COG8: variants seen among roughly 807,000 people sequenced by gnomAD.
COG8 encodes conserved oligomeric Golgi complex subunit 8.
In COG8, 45 loss-of-function variants were observed where a neutral mutation model predicts 46.5. That is an observed-to-expected ratio of 0.97 (90% CI 0.76 to 1.24). The LOEUF is 1.24. COG8 is among the 50% of genes most tolerant of loss of function. The probability of loss-of-function intolerance (pLI) is 0.00; values close to 1 mark genes in which losing one functional copy is unlikely to be tolerated. For synonymous variants in COG8, 407 were observed against 347.8 expected (o/e 1.17, Z -1.90); for missense variants, 793 against 820.8 (o/e 0.97, Z 0.41).
Position 69,327,528 on chromosome 16 carries a change from G to A in COG8, c.*1678C>T, listed in dbSNP as rs1206090227. On this transcript the variant is annotated 3_prime_UTR_variant, in exon 6 of 6. Coordinates refer to ENST00000306875, the MANE Select transcript of COG8 (RefSeq NM_032382.5). ...CAGTTTGCTTCTGCTTGGCCTCATG[G>A]GGCCTCAGAGAAAGCCACAAAGGAG... 17 of 151,798 alleles carry A rather than the reference G, an allele frequency of 1.1e-4. No homozygotes were observed. The highest frequency in any genetic ancestry group is 6.6e-4 in the Admixed American group (10 of 15,224). 9.4% of individuals were successfully genotyped at this position (151,798 alleles called of 1,614,324 possible).
In COG8 at chr16:69,333,166, G is replaced by GT. The variant is rs554776759; in HGVS notation, c.1414-285dup. ...ACTATAGAGAGAATACATGGTTTTG[G>GT]TTTTTTTTTTTTTTTTTTTAGAGAC... is the stretch of plus-strand genomic sequence containing the variant. On this transcript the variant is annotated intron_variant, in intron 3 of 5. Coordinates refer to ENST00000306875, the MANE Select transcript of COG8 (RefSeq NM_032382.5). Among the ~76,000 whole-genome samples the GT allele has an allele frequency of 0.021, 2,775 of 130,856 alleles. 32 individuals are homozygous for GT. Among genetic ancestry groups the GT allele is most frequent in the African/African-American group, 0.033 (1,169 of 35,894 alleles). 85.8% of individuals were successfully genotyped at this position (130,856 alleles called of 152,430 possible). A position where few individuals can be genotyped will look rare whatever the true frequency, so the allele number is the denominator to read the frequency against.
chr16:69,333,404 G>A (rs1597223211), intron 3 of COG8, among the ~76,000 whole-genome samples: 1 of 152,284 alleles, frequency 6.6e-6, no homozygotes, highest in Non-Finnish European at 1.5e-5. Context: ...CTGGCTTCAA[G>A]AGATCCTCCT....
rs760737598 is a variant in COG8 at position 69,339,524 on chromosome 16, A to T, written c.29T>A (p.Val10Glu). Residue 10 changes from valine to glutamate, a missense_variant, in exon 1 of 6, where the codon GTA becomes GAA. Transcript: ENST00000306875. MATAATIPS[V>E]ATATAAALGE... ...GAGAGCCGCTGCTGTGGCCGTGGCT[A>T]CCGATGGGATAGTCGCCGCGGTCGC... 15 of 1,608,274 alleles carry T rather than the reference A, an allele frequency of 9.3e-6. No homozygotes were observed. In the South Asian group the frequency reaches 1.6e-4, roughly 18 times the overall value.
chr16:69,330,621 G>C, intron 5 of COG8, 192 bp downstream of exon 5: 1 of 1,409,472 alleles, frequency 7.1e-7, no homozygotes. Context: ...CGCAGCGCGG[G>C]GCACGCCGGG....
Position 69,339,409 on chromosome 16 carries a change from G to A in COG8, c.144C>T (p.Arg48=). ...CCGAGCCGCTCAACTCCCGGAGGTA[G>A]CGGCCCACATCGGGCCGCTCGCGCC... ...AQWRERPDVG[R]YLRELSGSGL... is the part of the protein sequence containing the mutation. The change falls in exon 1 of 6, where the codon CGC becomes CGT. Residue 48 remains arginine, a synonymous_variant. Coordinates refer to ENST00000306875, the MANE Select transcript of COG8 (RefSeq NM_032382.5). 6.3e-7 allele frequency: 1 copy of A among 1,584,352 alleles called. No homozygotes were observed.
rs777226176 is a variant in COG8 at position 69,330,159 on chromosome 16, G to T, written c.*26+654C>A. The T allele has an allele frequency of 3.9e-6, 6 of 1,539,492 alleles. No individual in the cohort carries two copies. In the African/African-American group the frequency reaches 8.6e-5, roughly 22 times the overall value. ...TCCATTTGGCGGAGCGCGCGCTGGC[G>T]GGGCGGGCACTCCCGACACAGCGCC... On this transcript the variant is annotated intron_variant, in intron 5 of 5. Coordinates refer to ENST00000306875, the MANE Select transcript of COG8 (RefSeq NM_032382.5).
rs557333527 is a variant in COG8, at chr16:69,336,788, T to C, written c.378-76A>G. On this transcript the variant is annotated intron_variant, in intron 1 of 5. Coordinates refer to ENST00000306875, the MANE Select transcript of COG8 (RefSeq NM_032382.5). ...TTAGCTACAGTTACCAAGTACCTGC[T>C]ATGAACATTGGGCTGGATGATCTAT... 7.1e-4 allele frequency: 877 copies of C among 1,238,702 alleles called. 5 individuals carry two copies. Among genetic ancestry groups the C allele is most frequent in the Middle Eastern group, 4.2e-3 (19 of 4,560 alleles). 76.7% of individuals were successfully genotyped at this position (1,238,702 alleles called of 1,614,324 possible). A position where few individuals can be genotyped will look rare whatever the true frequency, so the allele number is the denominator to read the frequency against.
Position 69,339,173 on chromosome 16 carries a change from C to T in COG8, c.377+3G>A, listed in dbSNP as rs1341917125. On this transcript the variant is annotated splice_donor_region_variant and intron_variant, in intron 1 of 5. Coordinates refer to ENST00000306875, the MANE Select transcript of COG8 (RefSeq NM_032382.5). ...AACCCCTTTAGCGCCAGGCGCGTCG[C>T]ACCTGCAGCTCTGCTGGAAGCTGGG... The T allele has an allele frequency of 6.2e-7, 1 of 1,612,948 alleles. No individual in the cohort carries two copies.
At chr16:69,335,829 A>C (rs1413567055) in intron 2 of COG8, among the ~76,000 whole-genome samples, 3 of 142,334 alleles carry the variant, frequency 2.1e-5, no homozygotes, top group Non-Finnish European at 4.6e-5. Context: ...AAAAAAAAAG[A>C]AAAAAAAAAA....
chr16:69,334,617 G>A lies in COG8; in HGVS notation c.1317C>T (p.Leu439=). The change falls in exon 3 of 6, where the codon CTC becomes CTT. Residue 439 remains leucine, a synonymous_variant. Transcript: ENST00000306875. ...LLDFPPLACF[L]NNILVAFNDL... ...CATTGAAGGCAACCAGAATATTGTT[G>A]AGAAAGCAGGCGAGGGGTGGGAAAT... 6.2e-7 allele frequency: 1 copy of A among 1,614,210 alleles called. No homozygotes were observed. The highest frequency in any genetic ancestry group is 8.5e-7 in the Non-Finnish European group (1 of 1,180,040).
chr16:69,329,329 A>G, intron 5 of COG8, 150 bp from the exon 6 acceptor site: 1 of 817,892 alleles, frequency 1.2e-6, no homozygotes, highest in Non-Finnish European at 1.8e-6. Context: ...TTCTAACTGG[A>G]AAACGTCCCT....
In COG8 at chr16:69,334,736, T is replaced by C. The variant is rs1301624199; in HGVS notation, c.1198A>G (p.Ile400Val). Reference sequence around the variant, plus strand: ...GTGCCCAGGATGGCTGGAGCCGAGATGAGCATGTAGGAGTTCATTTCTTCC... The same window carrying C: ...GTGCCCAGGATGGCTGGAGCCGAGACGAGCATGTAGGAGTTCATTTCTTCC... ...FQEEMNSYMLISAPAILGTSN... is the reference protein window; with the variant it reads ...FQEEMNSYMLVSAPAILGTSN... Residue 400 changes from isoleucine to valine, a missense_variant, in exon 3 of 6, where the codon ATC (isoleucine) becomes GTC (valine). Transcript: ENST00000306875. 1 of 1,614,026 alleles carries C rather than the reference T, an allele frequency of 6.2e-7. No individual in the cohort carries two copies.
At position 69,328,967 on chromosome 16, in the gene COG8, A is replaced by G; in HGVS notation, c.*239T>C. ...TGCCAAGTAAGATTTGCCCAGCTCA[A>G]AGTGAAAGTGTTTGCGTCTTGGTAT... On this transcript the variant is annotated 3_prime_UTR_variant, in exon 6 of 6. Coordinates refer to ENST00000306875, the MANE Select transcript of COG8 (RefSeq NM_032382.5). 1 of 1,572,250 alleles carries G rather than the reference A, an allele frequency of 6.4e-7. No individual in the cohort carries two copies. The highest frequency in any genetic ancestry group is 8.6e-7 in the Non-Finnish European group (1 of 1,168,400).
At position 69,334,986 on chromosome 16, in the gene COG8, A is replaced by G. The variant is rs747877555; in HGVS notation, c.948T>C (p.His316=). 7 of 1,614,184 alleles carry G rather than the reference A, an allele frequency of 4.3e-6. No individual in the cohort carries two copies. The South Asian group carries it at 7.7e-5, about 18-fold the overall frequency. ...EHTVNESAIF[H]GWVLQKVSQF... is the part of the protein sequence containing the mutation. ...GTGAGACCTTCTGTAGCACCCAGCC[A>G]TGGAAGATGGCACTCTCATTCACAG... The change falls in exon 3 of 6, where the codon CAT becomes CAC. Residue 316 remains histidine, a synonymous_variant. Transcript: ENST00000306875.
intron 1 of COG8, 47 bp from the exon 2 acceptor site, chr16:69,336,759 A>C (rs1257320800): frequency 1.3e-6 from 2 of 1,536,718 alleles, no homozygotes; most frequent in African/African-American, 2.7e-5. Flanking sequence ...TCTGTACCCA[A>C]ACCTTAGCTA....
At chr16:69,336,778 A>T in intron 1 of COG8, 66 bp from the exon 2 acceptor site, 1 of 1,343,648 alleles carries the variant, frequency 7.4e-7, no homozygotes, top group Non-Finnish European at 1.1e-6. Context: ...TACAGTTACC[A>T]AGTACCTGCT....
At chr16:69,335,977 C>T (rs538745016) in intron 2 of COG8, among the ~76,000 whole-genome samples, 3 of 152,156 alleles carry the variant, frequency 2.0e-5, no homozygotes, top group Non-Finnish European at 4.4e-5. Flanking sequence ...ATCCATTAAC[C>T]CTGGCTGCCT....
chr16:69,332,556 G>C, intron 4 of COG8, 158 bp downstream of exon 4: 1 of 765,862 alleles, frequency 1.3e-6, no homozygotes, highest in Middle Eastern at 3.6e-4. Context: ...GTCGAGGAAT[G>C]ACTACAAACG....
intron 1 of COG8, 177 bp downstream of exon 1, chr16:69,338,999 G>T: frequency 1.1e-6 from 1 of 877,834 alleles, no homozygotes; most frequent in Middle Eastern, 2.9e-4. Context: ...TCTCAAAAAA[G>T]ATAAAAAAGG....
Sources: allele counts gnomAD v4.1 joint callset (sites outside exome capture counted in the v4.1 genomes callset), GRCh38; gene constraint gnomAD v4.1.1; transcripts MANE v1.5; gene names NCBI Gene and HGNC (gene_info 2026-07-23, HGNC 2026-07-21).